The following STXBP5L variants were observed in gnomAD, a reference collection of about 807,000 sequenced individuals.
STXBP5L encodes syntaxin binding protein 5L, also known as syntaxin-binding protein 5-like.
In STXBP5L, 65 loss-of-function variants were observed where a neutral mutation model predicts 144.5. That is an observed-to-expected ratio of 0.45 (90% CI 0.37 to 0.55). The LOEUF (loss-of-function observed/expected upper bound fraction) is 0.55. Ranked by LOEUF, STXBP5L falls within the 20% of genes least tolerant of loss-of-function variation. The pLI is 0.00. For missense variants in STXBP5L, 1,298 were observed against 1,405.5 expected, an observed-to-expected ratio of 0.92 and a Z score of 1.22; for synonymous variants, 505 against 469.6, an observed-to-expected ratio of 1.08 and a Z score of -0.97.
intron 15 of STXBP5L, among the ~76,000 whole-genome samples, chr3:121,252,508 A>G (rs1358581346): frequency 6.6e-6 from 1 of 152,348 alleles, no homozygotes; most frequent in African/African-American, 2.4e-5. Context: ...TAAATATTTT[A>G]TCACATTTAG....
chr3:121,085,359 TAGAAAG>T (rs1487882984), intron 5 of STXBP5L, among the ~76,000 whole-genome samples: 1 of 152,154 alleles, frequency 6.6e-6, no homozygotes, highest in African/African-American at 2.4e-5. Context: ...GTTTTACAAA[TAGAAAG>T]AGAGGAAGTC....
intron 9 of STXBP5L, among the ~76,000 whole-genome samples, chr3:121,197,297 G>T (rs960538843): frequency 1.3e-5 from 2 of 151,936 alleles, no homozygotes; most frequent in Non-Finnish European, 2.9e-5. Context: ...TGCTTGTTTT[G>T]TGCAGTCATA....
chr3:120,963,632 A>T (rs761902752), intron 3 of STXBP5L, among the ~76,000 whole-genome samples: 2 of 152,164 alleles, frequency 1.3e-5, no homozygotes, highest in Non-Finnish European at 2.9e-5. Context: ...TGACTTGATC[A>T]TGGTGGATAA....
In STXBP5L at chr3:121,421,827, G is replaced by A. The variant is rs2047358512; in HGVS notation, c.*2730G>A. On this transcript the variant is annotated 3_prime_UTR_variant, in exon 27 of 27. Coordinates refer to ENST00000471454, the MANE Select transcript of STXBP5L (RefSeq NM_001308330.2). The stretch of plus-strand genomic sequence containing the variant: ...AAAGTTTATAATTAGCACACCAATT[G>A]GAAGTAAACAGGTGCTTCTCAAATG... The A allele has an allele frequency of 6.6e-6, 1 of 152,080 alleles. No homozygotes were observed. Among genetic ancestry groups the A allele is most frequent in the South Asian group, 2.1e-4 (1 of 4,822 alleles). 9.4% of individuals were successfully genotyped at this position (152,080 alleles called of 1,614,324 possible). A position where few individuals can be genotyped will look rare whatever the true frequency, so the allele number is the denominator to read the frequency against.
At chr3:121,092,875 A>T (rs576819945) in intron 5 of STXBP5L, among the ~76,000 whole-genome samples, 17 of 152,184 alleles carry the variant, frequency 1.1e-4, no homozygotes, top group East Asian at 3.9e-4. Flanking sequence ...TGCTTCCAGT[A>T]TTTGCCCATT....
intron 21 of STXBP5L, among the ~76,000 whole-genome samples, chr3:121,380,884 C>T (rs187057461): frequency 1.3e-5 from 2 of 152,102 alleles, no homozygotes; most frequent in Admixed American, 6.6e-5. Flanking sequence ...TTGGAACTGA[C>T]AAGAAACTGT....
chr3:121,172,598 C>A (rs945501934), intron 9 of STXBP5L, among the ~76,000 whole-genome samples: 1 of 152,208 alleles, frequency 6.6e-6, no homozygotes. Context: ...CATCACTGGT[C>A]ATTAGAGAAA....
intron 20 of STXBP5L, among the ~76,000 whole-genome samples, chr3:121,322,952 C>T (rs2331709): frequency 0.75 from 113,421 of 152,108 alleles, 42,450 homozygotes; most frequent in East Asian, 0.93. Flanking sequence ...ATTAATGATG[C>T]TGAGCACTTT....
At chr3:120,975,932 TG>T (rs1485007373) in intron 3 of STXBP5L, among the ~76,000 whole-genome samples, 1 of 152,220 alleles carries the variant, frequency 6.6e-6, no homozygotes, top group Non-Finnish European at 1.5e-5. Flanking sequence ...GATGTGCTGC[TG>T]GATTCTGTTT....
rs577361995 is a variant in STXBP5L at position 121,400,737 on chromosome 3, C to A, written c.2588-6506C>A. ...TCAGGTCTGGTCTGGACTTGAATGACCCTGTCTTCCACCTTCCAACCTTCC... is the reference window on the plus strand; with the variant it reads ...TCAGGTCTGGTCTGGACTTGAATGAACCTGTCTTCCACCTTCCAACCTTCC... On this transcript the variant is annotated intron_variant, in intron 22 of 26. Coordinates refer to ENST00000471454, the MANE Select transcript of STXBP5L (RefSeq NM_001308330.2). Among the ~76,000 whole-genome samples the A allele has an allele frequency of 1.4e-4, 22 of 152,282 alleles. No individual in the cohort carries two copies. In the South Asian group the frequency reaches 4.1e-3, roughly 29 times the overall value.
chr3:121,367,818 T>A (rs1183323092), intron 20 of STXBP5L, among the ~76,000 whole-genome samples: 1 of 103,312 alleles, frequency 9.7e-6, no homozygotes, highest in African/African-American at 3.9e-5. Flanking sequence ...AGAGACCAGG[T>A]CTTCCTATGT....
intron 7 of STXBP5L, among the ~76,000 whole-genome samples, chr3:121,146,767 T>C (rs1055982954): frequency 7.2e-5 from 11 of 152,104 alleles, no homozygotes; most frequent in African/African-American, 1.2e-4. Context: ...AATTGGTTAA[T>C]TCAGCAGAAG....
intron 2 of STXBP5L, among the ~76,000 whole-genome samples, chr3:120,950,811 G>C (rs1468245247): frequency 6.6e-6 from 1 of 152,030 alleles, no homozygotes; most frequent in Non-Finnish European, 1.5e-5. Flanking sequence ...CTACTTTAAA[G>C]TTCATATGGA....
At chr3:121,055,698 G>A (rs976994713) in intron 5 of STXBP5L, among the ~76,000 whole-genome samples, 1 of 151,124 alleles carries the variant, frequency 6.6e-6, no homozygotes, top group African/African-American at 2.4e-5. Context: ...AGTAGAGATG[G>A]TTTCTTACTA....
At chr3:120,923,615 T>C (rs537086290) in intron 2 of STXBP5L, among the ~76,000 whole-genome samples, 1 of 152,262 alleles carries the variant, frequency 6.6e-6, no homozygotes, top group East Asian at 1.9e-4. Flanking sequence ...CAAGAGCATG[T>C]TGTTTAATTT....
intron 3 of STXBP5L, among the ~76,000 whole-genome samples, chr3:120,963,635 G>A (rs1347924540): frequency 6.6e-6 from 1 of 152,146 alleles, no homozygotes. Context: ...CTTGATCATG[G>A]TGGATAAGCT....
chr3:121,298,720 A>G (rs1390165269), intron 19 of STXBP5L, among the ~76,000 whole-genome samples: 1 of 152,210 alleles, frequency 6.6e-6, no homozygotes, highest in East Asian at 1.9e-4. Flanking sequence ...AAACTCACAG[A>G]AGCAGAAAGT....
At chr3:121,102,011 T>C (rs1206865948) in intron 5 of STXBP5L, among the ~76,000 whole-genome samples, 1 of 152,010 alleles carries the variant, frequency 6.6e-6, no homozygotes, top group Non-Finnish European at 1.5e-5. Flanking sequence ...ACCCAAGATA[T>C]GAAATATCTC....
chr3:121,286,617 T>G (rs949020806), intron 19 of STXBP5L, among the ~76,000 whole-genome samples: 1 of 152,008 alleles, frequency 6.6e-6, no homozygotes, highest in African/African-American at 2.4e-5. Flanking sequence ...TTTGAAAGTG[T>G]TGTCAGGGAA....
Sources: gnomAD v4.1 joint callset for allele counts (sites outside exome capture counted in the v4.1 genomes callset) on GRCh38, gnomAD v4.1.1 for gene constraint, MANE v1.5 for transcripts, NCBI Gene and HGNC (gene_info 2026-07-23, HGNC 2026-07-21) for gene names.